The following PRKG1 variants were observed in gnomAD, a reference collection of about 807,000 sequenced individuals.
The protein encoded by PRKG1 is protein kinase cGMP-dependent 1, also known as cGMP-dependent protein kinase 1.
PRKG1 carries 35 observed loss-of-function variants against 88.1 expected under a neutral mutation model. That is an observed-to-expected ratio of 0.40 (90% confidence interval 0.30 to 0.53). PRKG1 has a LOEUF of 0.53. Among genes scored for constraint, PRKG1 ranks in the 20% least tolerant of loss-of-function variants. The probability of loss-of-function intolerance (pLI) is 0.59; values close to 1 mark genes in which losing one functional copy is unlikely to be tolerated. For synonymous variants in PRKG1, 303 were observed against 292.5 expected (o/e 1.04, Z -0.37); for missense variants, 540 against 839.8 (o/e 0.64, Z 4.41).
chr10:51,476,056 C>T (rs1315524322), intron 3 of PRKG1, among the ~76,000 whole-genome samples: 5 of 152,052 alleles, frequency 3.3e-5, no homozygotes, highest in Admixed American at 3.3e-4. Flanking sequence ...GTCTTTGGTA[C>T]TTTCCATAGG....
chr10:52,244,735 A>AG (rs1840962767), intron 9 of PRKG1, among the ~76,000 whole-genome samples: 1 of 122,670 alleles, frequency 8.2e-6, no homozygotes, highest in Admixed American at 8.0e-5. Flanking sequence ...TATATACTTT[A>AG]ATATATATTT....
chr10:51,543,798 A>G lies in PRKG1; in HGVS notation c.592+75962A>G, dbSNP rs572984436. Among the ~76,000 whole-genome samples, 3 of 152,330 alleles carry G rather than the reference A, an allele frequency of 2.0e-5. No individual in the cohort carries two copies. The East Asian group carries it at 5.8e-4, about 29-fold the overall frequency. ...AAAATGTGAACAAAGCCCCTAACAT[A>G]GAGATGGTCATAGAGATTGTCCTTC... is the stretch of plus-strand genomic sequence containing the variant. On this transcript the variant is annotated intron_variant, in intron 3 of 17. Transcript: ENST00000373980.
chr10:51,512,158 T>G (rs373916988), intron 3 of PRKG1, among the ~76,000 whole-genome samples: 1 of 150,200 alleles, frequency 6.7e-6, no homozygotes, highest in African/African-American at 2.4e-5. Context: ...CAGAGAGTAC[T>G]TCTCTCATTC....
intron 2 of PRKG1, among the ~76,000 whole-genome samples, chr10:51,400,519 C>T (rs963454258): frequency 1.3e-5 from 2 of 152,136 alleles, no homozygotes; most frequent in African/African-American, 4.8e-5. Context: ...TATTTTAGAG[C>T]TCCTCTGATT....
At chr10:52,073,899 G>T (rs550237240) in intron 7 of PRKG1, among the ~76,000 whole-genome samples, 90 of 152,266 alleles carry the variant, frequency 5.9e-4, no homozygotes, top group Middle Eastern at 3.4e-3. Context: ...ATATTTGTAT[G>T]GGAGCGCCTT....
chr10:52,009,494 T>C (rs1844827949), intron 5 of PRKG1, among the ~76,000 whole-genome samples: 1 of 151,896 alleles, frequency 6.6e-6, no homozygotes, highest in South Asian at 2.1e-4. Context: ...ACAATGGTAA[T>C]TACAAAACAC....
intron 2 of PRKG1, among the ~76,000 whole-genome samples, chr10:51,248,638 A>G (rs1839353400): frequency 6.6e-6 from 1 of 151,840 alleles, no homozygotes; most frequent in African/African-American, 2.4e-5. Flanking sequence ...AATGGTCTCT[A>G]TGGCAAACTT....
At chr10:51,803,425 T>C (rs1050972348) in intron 3 of PRKG1, among the ~76,000 whole-genome samples, 2 of 152,154 alleles carry the variant, frequency 1.3e-5, no homozygotes, top group African/African-American at 4.8e-5. Context: ...ATGGGTTTAC[T>C]CTGGAGTACA....
chr10:51,135,181 G>A (rs894340012), intron 1 of PRKG1, among the ~76,000 whole-genome samples: 5 of 152,180 alleles, frequency 3.3e-5, no homozygotes, highest in African/African-American at 1.2e-4. Context: ...AATCAGTGGA[G>A]GATGTCTGGG....
chr10:51,391,364 C>G (rs1468614597), intron 2 of PRKG1, among the ~76,000 whole-genome samples: 1 of 152,146 alleles, frequency 6.6e-6, no homozygotes, highest in Non-Finnish European at 1.5e-5. Context: ...GTGCTAGAGG[C>G]AAAGTTTGCT....
At chr10:51,188,279 G>A (rs772429827) in intron 2 of PRKG1, among the ~76,000 whole-genome samples, 1 of 151,984 alleles carries the variant, frequency 6.6e-6, no homozygotes, top group Non-Finnish European at 1.5e-5. Context: ...AAGGAGAATA[G>A]CACACGTGAG....
intron 4 of PRKG1, among the ~76,000 whole-genome samples, chr10:51,823,576 CT>C (rs1194660997): frequency 6.6e-6 from 1 of 151,728 alleles, no homozygotes; most frequent in Non-Finnish European, 1.5e-5. Context: ...AGTCCTGACA[CT>C]TATGACACAT....
chr10:51,059,635 A>G (rs1037182739), intron 1 of PRKG1, among the ~76,000 whole-genome samples: 8 of 152,172 alleles, frequency 5.3e-5, no homozygotes, highest in African/African-American at 1.9e-4. Context: ...TTTCATAATT[A>G]TTGAGTTAAT....
chr10:51,410,254 G>GTATA (rs1263555536), intron 2 of PRKG1, among the ~76,000 whole-genome samples: 1 of 81,590 alleles, frequency 1.2e-5, no homozygotes, highest in Non-Finnish European at 2.9e-5. Flanking sequence ...GTGTGTGTGT[G>GTATA]TGTGTATATA....
At chr10:51,025,889 C>G (rs753835093) in intron 1 of PRKG1, among the ~76,000 whole-genome samples, 1 of 152,138 alleles carries the variant, frequency 6.6e-6, no homozygotes, top group Non-Finnish European at 1.5e-5. Flanking sequence ...GTACCTGAGA[C>G]TGAAACCTTA....
At chr10:51,997,122 G>T (rs561780742) in intron 5 of PRKG1, among the ~76,000 whole-genome samples, 2 of 152,076 alleles carry the variant, frequency 1.3e-5, no homozygotes, top group African/African-American at 2.4e-5. Context: ...GGGATGCTTG[G>T]GGGGTAGAGG....
chr10:51,937,044 G>A (rs1238308371), intron 5 of PRKG1, among the ~76,000 whole-genome samples: 1 of 151,948 alleles, frequency 6.6e-6, no homozygotes, highest in Non-Finnish European at 1.5e-5. Flanking sequence ...TTAGTTAGCA[G>A]GAGTGCCTTC....
chr10:51,767,774 G>T (rs963809807), intron 3 of PRKG1, among the ~76,000 whole-genome samples: 1 of 152,138 alleles, frequency 6.6e-6, no homozygotes, highest in Non-Finnish European at 1.5e-5. Context: ...TAGAGGCAAA[G>T]ATGTTAAGAA....
intron 7 of PRKG1, among the ~76,000 whole-genome samples, chr10:52,078,169 C>T (rs942941173): frequency 1.3e-5 from 2 of 152,162 alleles, no homozygotes; most frequent in Non-Finnish European, 2.9e-5. Flanking sequence ...ACTTAATTCC[C>T]TTAGAAACAT....
Sources: allele counts gnomAD v4.1 joint callset (sites outside exome capture counted in the v4.1 genomes callset), GRCh38; gene constraint gnomAD v4.1.1; transcripts MANE v1.5; gene names NCBI Gene and HGNC (gene_info 2026-07-23, HGNC 2026-07-21).